The following CTNNA2 variants were observed in gnomAD, a reference collection of about 807,000 sequenced individuals.
The protein encoded by CTNNA2 is catenin alpha 2, also known as catenin alpha-2.
A neutral mutation model predicts 101.0 loss-of-function variants in CTNNA2; 42 were observed. The observed-to-expected ratio is 0.42, with a 90% CI of 0.32 to 0.54. The LOEUF (loss-of-function observed/expected upper bound fraction) is 0.54. CTNNA2 is among the 20% of genes least tolerant of loss of function. The pLI, the probability that CTNNA2 is intolerant of heterozygous loss-of-function variation, is 0.14. For missense variants in CTNNA2, 871 were observed against 1,223.1 expected (o/e 0.71, Z 4.29); for synonymous variants, 450 against 456.4 (o/e 0.99, Z 0.18).
intron 7 of CTNNA2, chr2:80,313,462 AT>A: frequency 6.6e-7 from 1 of 1,521,836 alleles, no homozygotes; most frequent in East Asian, 2.5e-5. Context: ...AACCAATATT[AT>A]TCATGCTATG....
At chr2:79,260,686 C>T (rs771135940) in intron 2 of CTNNA2, among the ~76,000 whole-genome samples, 9 of 152,110 alleles carry the variant, frequency 5.9e-5, no homozygotes, top group Admixed American at 2.6e-4. Context: ...TCTGGTGCCC[C>T]GGGTGGTTAG....
At chr2:80,606,571 A>AG (rs1698047837) in intron 16 of CTNNA2, among the ~76,000 whole-genome samples, 2 of 152,010 alleles carry the variant, frequency 1.3e-5, no homozygotes, top group East Asian at 3.9e-4. Flanking sequence ...TTGATAAAGA[A>AG]ATCTTCAGAA....
chr2:80,212,346 G>C (rs572665497), intron 7 of CTNNA2, among the ~76,000 whole-genome samples: 2 of 152,082 alleles, frequency 1.3e-5, no homozygotes, highest in African/African-American at 4.8e-5. Context: ...ATGATATTGG[G>C]TGTGGGTTTG....
At chr2:79,249,315 C>A (rs1401860769) in intron 2 of CTNNA2, among the ~76,000 whole-genome samples, 1 of 152,110 alleles carries the variant, frequency 6.6e-6, no homozygotes, top group Non-Finnish European at 1.5e-5. Flanking sequence ...CTACCATTTC[C>A]CCCACATACT....
chr2:79,636,352 C>G (rs908364622), intron 1 of CTNNA2, among the ~76,000 whole-genome samples: 3 of 148,158 alleles, frequency 2.0e-5, no homozygotes, highest in African/African-American at 7.4e-5. Flanking sequence ...AAGTAAGACA[C>G]TGACATGAAT....
At chr2:79,323,141 G>A (rs534311976) in intron 3 of CTNNA2, among the ~76,000 whole-genome samples, 1 of 152,190 alleles carries the variant, frequency 6.6e-6, no homozygotes, top group East Asian at 1.9e-4. Context: ...ATGTTCCCCT[G>A]CCAAACCTGA....
At chr2:79,615,655 T>G (rs1224556302) in intron 1 of CTNNA2, among the ~76,000 whole-genome samples, 2 of 152,218 alleles carry the variant, frequency 1.3e-5, no homozygotes, top group African/African-American at 4.8e-5. Flanking sequence ...TTCTTCAGGC[T>G]AGGTTCTGGC....
chr2:79,594,168 G>A (rs6745695), intron 1 of CTNNA2, among the ~76,000 whole-genome samples: 98,909 of 151,204 alleles, frequency 0.65, 32,629 homozygotes, highest in South Asian at 0.78. Flanking sequence ...GATTACAGGT[G>A]TGAGCCACCG....
At chr2:80,606,712 A>C (rs897236170) in intron 16 of CTNNA2, among the ~76,000 whole-genome samples, 4 of 151,870 alleles carry the variant, frequency 2.6e-5, no homozygotes, top group Non-Finnish European at 5.9e-5. Flanking sequence ...ATTATCAAGG[A>C]CTGGATTGGT....
chr2:80,544,469 C>T (rs1229478413), intron 9 of CTNNA2, among the ~76,000 whole-genome samples: 1 of 151,976 alleles, frequency 6.6e-6, no homozygotes, highest in African/African-American at 2.4e-5. Flanking sequence ...AACAGCTGGC[C>T]TCTAATAATA....
chr2:79,601,024 G>A (rs1325325884), intron 1 of CTNNA2, among the ~76,000 whole-genome samples: 8 of 152,098 alleles, frequency 5.3e-5, no homozygotes, highest in South Asian at 2.1e-4. Context: ...CATTCAATTC[G>A]TAACAGTGTG....
intron 7 of CTNNA2, among the ~76,000 whole-genome samples, chr2:80,375,227 G>T (rs72912864): frequency 0.031 from 4,725 of 152,302 alleles, 250 homozygotes; most frequent in African/African-American, 0.11. Context: ...AGAAGAGAGG[G>T]TTGGGATAGC....
intron 9 of CTNNA2, among the ~76,000 whole-genome samples, chr2:80,540,921 C>G: frequency 6.6e-6 from 1 of 152,168 alleles, no homozygotes; most frequent in Non-Finnish European, 1.5e-5. Flanking sequence ...GTCTTCAACT[C>G]CTGGCTTATT....
chr2:79,463,380 A>T (rs1670899762), intron 4 of CTNNA2, among the ~76,000 whole-genome samples: 1 of 143,264 alleles, frequency 7.0e-6, no homozygotes, highest in East Asian at 2.1e-4. Context: ...TGCACTTGAC[A>T]GAGTGAGACT....
intron 7 of CTNNA2, among the ~76,000 whole-genome samples, chr2:80,370,348 A>G (rs999947269): frequency 4.6e-5 from 7 of 152,078 alleles, no homozygotes; most frequent in Admixed American, 4.6e-4. Context: ...CAGGGCAGGA[A>G]GGGCTGTGTG....
intron 7 of CTNNA2, among the ~76,000 whole-genome samples, chr2:80,055,283 C>A (rs1204173168): frequency 1.3e-5 from 2 of 152,122 alleles, no homozygotes; most frequent in Admixed American, 6.6e-5. Flanking sequence ...CCCAACTTTG[C>A]CTCCCTAAGT....
chr2:80,303,974 T>C lies in CTNNA2; in HGVS notation c.1057-89237T>C. On this transcript the variant is annotated intron_variant, in intron 7 of 18. Coordinates refer to ENST00000402739, the MANE Select transcript of CTNNA2 (RefSeq NM_001282597.3). This position sits in a 1 kb window ranked among gnomAD's most constrained non-coding sequence, Gnocchi z 7.7. ...ACATAGAAATAAAGAAGGACCCCCC[T>C]CCCCAAAAACCACACGTTCACCTCT... is the stretch of plus-strand genomic sequence containing the variant. 2 of 890,026 alleles carry C rather than the reference T, an allele frequency of 2.2e-6. No individual in the cohort carries two copies. The allele number at this position is 890,026 out of a possible 1,614,324, so 55.1% of individuals were successfully genotyped here.
At chr2:79,674,936 A>G (rs1683083018) in intron 2 of CTNNA2, among the ~76,000 whole-genome samples, 1 of 152,176 alleles carries the variant, frequency 6.6e-6, no homozygotes, top group South Asian at 2.1e-4. Context: ...CATTTTGCTT[A>G]TGCTCTTTTC....
At chr2:79,371,269 C>T (rs1677865357) in intron 3 of CTNNA2, among the ~76,000 whole-genome samples, 1 of 151,856 alleles carries the variant, frequency 6.6e-6, no homozygotes, top group Non-Finnish European at 1.5e-5. Context: ...CTCTCAGAAG[C>T]CATATATCAT....
Sources: allele counts gnomAD v4.1 joint callset (sites outside exome capture counted in the v4.1 genomes callset), GRCh38; gene constraint gnomAD v4.1.1; non-coding constraint Gnocchi (gnomAD v3.1); transcripts MANE v1.5; gene names NCBI Gene and HGNC (gene_info 2026-07-23, HGNC 2026-07-21).